The following UNC5D variants were observed in gnomAD, a reference collection of about 807,000 sequenced individuals.
UNC5D encodes the protein netrin receptor UNC5D.
A neutral mutation model predicts 105.4 loss-of-function variants in UNC5D; 39 were observed. The observed-to-expected ratio is 0.37, with a 90% confidence interval of 0.29 to 0.48. The LOEUF (loss-of-function observed/expected upper bound fraction) is 0.48. Ranked by LOEUF, UNC5D falls within the 20% of genes least tolerant of loss-of-function variation. The pLI, the probability that UNC5D is intolerant of heterozygous loss-of-function variation, is 0.98. For missense variants in UNC5D, 991 were observed against 1,202.4 expected (o/e 0.82, Z 2.60); for synonymous variants, 452 against 450.4 (o/e 1.00, Z -0.04).
intron 1 of UNC5D, among the ~76,000 whole-genome samples, chr8:35,334,413 CT>C (rs1810862473): frequency 6.6e-6 from 1 of 151,764 alleles, no homozygotes; most frequent in African/African-American, 2.4e-5. Context: ...CTAAGTAGGA[CT>C]TTTATCTGAG....
chr8:35,705,872 C>T, intron 7 of UNC5D, 57 bp from the exon 8 acceptor site: 2 of 1,113,434 alleles, frequency 1.8e-6, no homozygotes, highest in South Asian at 2.7e-5. Context: ...GGAAATATAT[C>T]TGCTCCATGT....
At chr8:35,701,825 G>A (rs1486778178) in intron 7 of UNC5D, among the ~76,000 whole-genome samples, 1 of 150,986 alleles carries the variant, frequency 6.6e-6, no homozygotes, top group African/African-American at 2.4e-5. Flanking sequence ...AGCTAGGCTT[G>A]TATATATAAC....
At chr8:35,496,649 C>A (rs1303560549) in intron 1 of UNC5D, among the ~76,000 whole-genome samples, 1 of 152,124 alleles carries the variant, frequency 6.6e-6, no homozygotes, top group Admixed American at 6.6e-5. Context: ...CACTTACATG[C>A]CATAAGATTT....
At position 35,726,183 on chromosome 8, in the gene UNC5D, G is replaced by A; in HGVS notation, c.1335G>A (p.Gln445=). 1.2e-6 allele frequency: 2 copies of A among 1,613,218 alleles called. No individual in the cohort carries two copies. Among genetic ancestry groups the A allele is most frequent in the Non-Finnish European group, 1.7e-6 (2 of 1,179,372 alleles). Residue 445 remains glutamine, a synonymous_variant, in exon 10 of 17, where the codon CAG becomes CAA. Coordinates refer to ENST00000404895, the MANE Select transcript of UNC5D (RefSeq NM_080872.4). The part of the protein sequence containing the change: ...GNSLLLNSAM[Q]PDLTVSRTYS... ...CCCTGCTCCTGAATTCTGCCATGCA[G>A]CCAGATCTGACAGTGAGCCGGACAT...
chr8:35,770,294 A>C (rs1801953504), intron 15 of UNC5D, among the ~76,000 whole-genome samples: 1 of 152,218 alleles, frequency 6.6e-6, no homozygotes, highest in Non-Finnish European at 1.5e-5. Context: ...TAAGATATCT[A>C]TCTCAAATAC....
chr8:35,430,403 A>G lies in UNC5D; in HGVS notation c.104-118889A>G, dbSNP rs1462769234. ...TCTGTTTATCTGTACCCTTTGTAAT[A>G]TCCTTTATAATAAACTGGTAAACAT... On this transcript the variant is annotated intron_variant, in intron 1 of 16. Coordinates refer to ENST00000404895, the MANE Select transcript of UNC5D (RefSeq NM_080872.4). Among the ~76,000 whole-genome samples the G allele has an allele frequency of 1.8e-4, 27 of 152,120 alleles. 1 individual carries two copies. The highest frequency in any genetic ancestry group is 1.8e-3 in the Admixed American group (27 of 15,266).
chr8:35,466,770 T>C (rs1172927091), intron 1 of UNC5D, among the ~76,000 whole-genome samples: 1 of 152,190 alleles, frequency 6.6e-6, no homozygotes, highest in African/African-American at 2.4e-5. Flanking sequence ...GAGAGGTTGG[T>C]ATTCACATAT....
At chr8:35,441,282 A>C (rs911539868) in intron 1 of UNC5D, among the ~76,000 whole-genome samples, 2 of 152,010 alleles carry the variant, frequency 1.3e-5, no homozygotes, top group Admixed American at 1.3e-4. Context: ...AGGTGAGTAC[A>C]GCACAGTAAG....
At chr8:35,686,303 G>T (rs183381642) in intron 6 of UNC5D, among the ~76,000 whole-genome samples, 105 of 152,266 alleles carry the variant, frequency 6.9e-4, no homozygotes, top group Non-Finnish European at 1.2e-3. Flanking sequence ...AAATATGAAT[G>T]CTTGCCTCAA....
chr8:35,767,633 C>T (rs190702018), intron 15 of UNC5D, among the ~76,000 whole-genome samples: 1 of 152,028 alleles, frequency 6.6e-6, no homozygotes, highest in African/African-American at 2.4e-5. Context: ...GAGGACAGGA[C>T]AGTACAATAA....
chr8:35,383,215 G>A (rs1480783032), intron 1 of UNC5D, among the ~76,000 whole-genome samples: 3 of 152,106 alleles, frequency 2.0e-5, no homozygotes, highest in Non-Finnish European at 4.4e-5. Context: ...GGTAAAACCT[G>A]AGCTCAGGGT....
At chr8:35,633,584 CA>C (rs201261038) in intron 4 of UNC5D, among the ~76,000 whole-genome samples, 1 of 149,506 alleles carries the variant, frequency 6.7e-6, no homozygotes, top group South Asian at 2.1e-4. Flanking sequence ...CTCATCTCTA[CA>C]AAAAAAAAAT....
At chr8:35,672,016 A>T (rs568721218) in intron 4 of UNC5D, among the ~76,000 whole-genome samples, 1 of 152,184 alleles carries the variant, frequency 6.6e-6, no homozygotes, top group Non-Finnish European at 1.5e-5. Flanking sequence ...TTTGGATATC[A>T]TTACATTATT....
intron 1 of UNC5D, among the ~76,000 whole-genome samples, chr8:35,498,084 CAAAAAAAAAAAAA>C (rs58175711): frequency 1.7e-5 from 1 of 58,150 alleles, no homozygotes; most frequent in Non-Finnish European, 4.7e-5. Context: ...CAAAACAAAA[CAAAAAAAAAAAAA>C]AAAAAAAAAA....
At chr8:35,497,397 T>C (rs747483438) in intron 1 of UNC5D, among the ~76,000 whole-genome samples, 2 of 152,148 alleles carry the variant, frequency 1.3e-5, no homozygotes, top group African/African-American at 4.8e-5. Context: ...GAGGGTGACC[T>C]CCCTACTGCT....
rs1042514909 is a variant in UNC5D, at chr8:35,551,871, C to T, written c.322+2361C>T. On this transcript the variant is annotated intron_variant, in intron 2 of 16. Transcript: ENST00000404895. ...AGAAAAAAGAAGTTACCAGGGGATG[C>T]TGTGTTCCAAAGCAAAAGGAAAAAG... Among the ~76,000 whole-genome samples, 127 of 151,582 alleles carry T rather than the reference C, an allele frequency of 8.4e-4. 4 individuals carry two copies. Among genetic ancestry groups the T allele is most frequent in the Non-Finnish European group, 2.9e-5 (2 of 67,902 alleles).
chr8:35,492,065 C>A (rs1453157863), intron 1 of UNC5D, among the ~76,000 whole-genome samples: 1 of 151,490 alleles, frequency 6.6e-6, no homozygotes, highest in East Asian at 1.9e-4. Context: ...TTTTATTTAC[C>A]TTCCATTGTT....
intron 1 of UNC5D, among the ~76,000 whole-genome samples, chr8:35,386,660 A>C (rs1803418756): frequency 6.6e-6 from 1 of 152,246 alleles, no homozygotes; most frequent in Non-Finnish European, 1.5e-5. Context: ...TTGTTTGAGC[A>C]GTAAAGAAAA....
intron 1 of UNC5D, among the ~76,000 whole-genome samples, chr8:35,540,806 A>C (rs4302835): frequency 0.13 from 19,348 of 152,140 alleles, 1,512 homozygotes; most frequent in East Asian, 0.25. Context: ...AATCAAAGAA[A>C]AACAAAACTT....
Sources: gnomAD v4.1 joint callset for allele counts (sites outside exome capture counted in the v4.1 genomes callset) on GRCh38, gnomAD v4.1.1 for gene constraint, MANE v1.5 for transcripts, NCBI Gene and HGNC (gene_info 2026-07-23, HGNC 2026-07-21) for gene names.